STX18: variants seen among roughly 807,000 people sequenced by gnomAD.
STX18 encodes the protein syntaxin 18.
Under a neutral mutation model 50.1 loss-of-function variants are expected in STX18, and 40 were observed. That is an observed-to-expected ratio of 0.80 (90% CI 0.62 to 1.04). The LOEUF (loss-of-function observed/expected upper bound fraction) is 1.04. Among genes scored for constraint, STX18 ranks in the 50% least tolerant of loss-of-function variants. The pLI, the probability that STX18 is intolerant of heterozygous loss-of-function variation, is 0.00. For synonymous variants in STX18, 158 were observed against 151.8 expected, an observed-to-expected ratio of 1.04 and a Z score of -0.30; for missense variants, 410 against 415.8, an observed-to-expected ratio of 0.99 and a Z score of 0.12.
intron 1 of STX18, among the ~76,000 whole-genome samples, chr4:4,512,468 C>G (rs1276786725): frequency 6.6e-6 from 1 of 152,020 alleles, no homozygotes; most frequent in Non-Finnish European, 1.5e-5. Context: ...TTGATTGAAG[C>G]CAGAGTGGGG....
At chr4:4,463,966 T>G (rs1727503097) in intron 2 of STX18, among the ~76,000 whole-genome samples, 1 of 152,214 alleles carries the variant, frequency 6.6e-6, no homozygotes, top group Admixed American at 6.5e-5. Flanking sequence ...AACTAGGGTA[T>G]AATTATTTTT....
chr4:4,424,457 T>G (rs539355770), intron 8 of STX18, among the ~76,000 whole-genome samples: 1 of 151,124 alleles, frequency 6.6e-6, no homozygotes, highest in Admixed American at 6.6e-5. Context: ...GGGGCGGTAG[T>G]GGGGCAGACA....
intron 5 of STX18, among the ~76,000 whole-genome samples, chr4:4,451,438 T>C (rs909123853): frequency 4.6e-5 from 7 of 152,262 alleles, no homozygotes; most frequent in Non-Finnish European, 8.8e-5. Context: ...CCTTGCTTTA[T>C]TGCACTCTGC....
At chr4:4,495,489 A>C (rs1729125652) in intron 1 of STX18, among the ~76,000 whole-genome samples, 1 of 151,924 alleles carries the variant, frequency 6.6e-6, no homozygotes, top group Admixed American at 6.6e-5. Context: ...TCTAGGCTCA[A>C]GCAACCCATC....
intron 7 of STX18, among the ~76,000 whole-genome samples, chr4:4,433,534 T>TA (rs10676475): frequency 0.067 from 7,493 of 111,032 alleles, 486 homozygotes; most frequent in African/African-American, 0.17. Context: ...AAAAATAAAT[T>TA]AAAAAAAAAA....
intron 1 of STX18, chr4:4,499,615 A>T: frequency 1.3e-6 from 1 of 790,346 alleles, no homozygotes; most frequent in Non-Finnish European, 1.5e-6. Context: ...TTCATTATTC[A>T]ATAGCTAATC....
rs1181109757 is a variant in STX18 at position 4,462,040 on chromosome 4, G to T, written c.237-2553C>A. ...TGAGTGTGTCTAATTCAAGAGCAGA[G>T]TATCAACAAGGCCACCCGCCTGCAA... On this transcript the variant is annotated intron_variant, in intron 2 of 10. Coordinates refer to ENST00000306200, the MANE Select transcript of STX18 (RefSeq NM_016930.4). The T allele has an allele frequency of 1.8e-5, 8 of 451,640 alleles. 1 individual carries two copies. Among genetic ancestry groups the T allele is most frequent in the Non-Finnish European group, 3.6e-5 (8 of 224,254 alleles). The allele number at this position is 451,640 out of a possible 1,614,324, so 28.0% of individuals were successfully genotyped here.
chr4:4,487,041 T>C (rs1728728705), intron 1 of STX18, among the ~76,000 whole-genome samples: 1 of 152,166 alleles, frequency 6.6e-6, no homozygotes. Flanking sequence ...ACTTTCTGCC[T>C]GTCATTTTGA....
chr4:4,518,538 G>C (rs1730380470), intron 1 of STX18, among the ~76,000 whole-genome samples: 1 of 152,128 alleles, frequency 6.6e-6, no homozygotes, highest in South Asian at 2.1e-4. Context: ...TTAAATGTGA[G>C]TTTCACAGGA....
intron 2 of STX18, among the ~76,000 whole-genome samples, chr4:4,470,311 C>A (rs1727847866): frequency 6.6e-6 from 1 of 152,112 alleles, no homozygotes; most frequent in South Asian, 2.1e-4. Flanking sequence ...TACTCCTCTT[C>A]CTAGTTGGGA....
At chr4:4,459,855 G>C (rs1362072618) in intron 2 of STX18, among the ~76,000 whole-genome samples, 1 of 152,158 alleles carries the variant, frequency 6.6e-6, no homozygotes, top group East Asian at 1.9e-4. Flanking sequence ...CAAAATGACT[G>C]AATCAGAGGG....
At chr4:4,473,722 T>TA (rs1225371523) in intron 1 of STX18, among the ~76,000 whole-genome samples, 1 of 152,168 alleles carries the variant, frequency 6.6e-6, no homozygotes, top group African/African-American at 2.4e-5. Context: ...TCCATCTCCT[T>TA]ACCTCCTTCC....
intron 1 of STX18, among the ~76,000 whole-genome samples, chr4:4,529,357 A>G (rs961510017): frequency 6.6e-6 from 1 of 152,232 alleles, no homozygotes; most frequent in Non-Finnish European, 1.5e-5. Flanking sequence ...CCGTCTCAAA[A>G]AAAAGAAAGA....
chr4:4,439,448 CCA>C (rs1385800446), intron 5 of STX18, among the ~76,000 whole-genome samples: 1 of 129,206 alleles, frequency 7.7e-6, no homozygotes, highest in Non-Finnish European at 1.6e-5. Context: ...ATACCCTCCC[CCA>C]CACACATATA....
rs1731624595 is a variant in STX18 at position 4,541,945 on chromosome 4, A to G, written c.20T>C (p.Leu7Pro). ...GGTCTTGACGCTGGCCCGGAATAGC[A>G]GCGTGATGTCCACCGCCATAGCGAC... MAVDIT[L>P]LFRASVKTVK... The change falls in exon 1 of 11, where the codon CTG becomes CCG. Residue 7 changes from leucine to proline, a missense_variant. Physicochemically the swap from Leu to Pro is moderately conservative, Grantham distance 98 (BLOSUM62 -3). Transcript: ENST00000306200. 3 of 1,606,678 alleles carry G rather than the reference A, an allele frequency of 1.9e-6. No homozygotes were observed. The highest frequency in any genetic ancestry group is 2.5e-6 in the Non-Finnish European group (3 of 1,177,516).
intron 5 of STX18, among the ~76,000 whole-genome samples, chr4:4,454,676 C>T (rs1726973509): frequency 1.3e-5 from 2 of 152,178 alleles, no homozygotes; most frequent in South Asian, 4.1e-4. Flanking sequence ...AATTCACACA[C>T]CCAGATATTT....
chr4:4,470,149 C>A (rs182171120), intron 2 of STX18, among the ~76,000 whole-genome samples: 4 of 152,146 alleles, frequency 2.6e-5, no homozygotes, highest in African/African-American at 9.7e-5. Flanking sequence ...AAACCTGTGA[C>A]GAACCAGGAA....
chr4:4,459,062 G>GCGCGCACACA (rs71638564), intron 3 of STX18, among the ~76,000 whole-genome samples: 5 of 144,392 alleles, frequency 3.5e-5, no homozygotes, highest in African/African-American at 1.3e-4. Flanking sequence ...ACACACACAC[G>GCGCGCACACA]CACACACACA....
At chr4:4,526,413 A>G (rs911098589) in intron 1 of STX18, among the ~76,000 whole-genome samples, 2 of 152,200 alleles carry the variant, frequency 1.3e-5, no homozygotes, top group African/African-American at 2.4e-5. Flanking sequence ...AGAGGACAGG[A>G]AAAGGGAGAA....
Sources: allele counts gnomAD v4.1 joint callset (sites outside exome capture counted in the v4.1 genomes callset), GRCh38; gene constraint gnomAD v4.1.1; transcripts MANE v1.5; gene names NCBI Gene and HGNC (gene_info 2026-07-23, HGNC 2026-07-21).